Variants in CEP350 observed in about 807,000 individuals in gnomAD.
CEP350 encodes centrosome-associated protein 350.
CEP350 carries 126 observed loss-of-function variants against 331.8 expected under a neutral mutation model. That is an observed-to-expected ratio of 0.38 (90% CI 0.33 to 0.44). The LOEUF (loss-of-function observed/expected upper bound fraction) is 0.44. Among genes scored for constraint, CEP350 ranks in the 20% least tolerant of loss-of-function variants. The pLI is 1.00. For missense variants in CEP350, 3,406 were observed against 3,634.6 expected, an observed-to-expected ratio of 0.94 and a Z score of 1.62; for synonymous variants, 1,200 against 1,259.5, an observed-to-expected ratio of 0.95 and a Z score of 1.00.
chr1:180,065,292 A>G lies in CEP350; in HGVS notation c.5567+20A>G, dbSNP rs754193358. 1.3e-6 allele frequency: 2 copies of G among 1,595,148 alleles called. No individual in the cohort carries two copies. The highest frequency in any genetic ancestry group is 1.7e-6 in the Non-Finnish European group (2 of 1,172,992). On this transcript the variant is annotated intron_variant, in intron 27 of 37. Coordinates refer to ENST00000367607, the MANE Select transcript of CEP350 (RefSeq NM_014810.5). ...TGAAAAGTATTTGTTTTTTATAAAT[A>G]TCTCTTGTTTAGTTACATTGAAAGT... is the stretch of plus-strand genomic sequence containing the variant.
chr1:180,080,463 G>A, intron 29 of CEP350, 54 bp from the exon 30 acceptor site: 1 of 1,519,780 alleles, frequency 6.6e-7, no homozygotes. Context: ...ATTTTAAATA[G>A]AATTTTACAA....
intron 1 of CEP350, among the ~76,000 whole-genome samples, chr1:179,965,822 C>T (rs1009282650): frequency 5.9e-5 from 9 of 151,824 alleles, no homozygotes; most frequent in Non-Finnish European, 1.3e-4. Context: ...GACGGGGTTT[C>T]ACCATGTTGG....
At chr1:180,090,545 C>CAAAAAAAAAAAAAAAAA (rs36128628) in intron 32 of CEP350, among the ~76,000 whole-genome samples, 169 bp from the exon 33 acceptor site, 11 of 77,356 alleles carry the variant, frequency 1.4e-4, no homozygotes, top group Non-Finnish European at 2.3e-4. Flanking sequence ...GACTCCGTCT[C>CAAAAAAAAAAAAAAAAA]AAAAAAAAAA....
chr1:180,102,525 G>A (rs1660886537), intron 37 of CEP350, among the ~76,000 whole-genome samples: 1 of 152,088 alleles, frequency 6.6e-6, no homozygotes, highest in Non-Finnish European at 1.5e-5. Flanking sequence ...AGCTTATTTT[G>A]CTCTATGATT....
chr1:180,102,227 C>G (rs976131230), intron 37 of CEP350, among the ~76,000 whole-genome samples: 6 of 152,004 alleles, frequency 3.9e-5, no homozygotes, highest in African/African-American at 1.2e-4. Flanking sequence ...CCTCCGCCTC[C>G]CGGGTTCAAG....
intron 27 of CEP350, among the ~76,000 whole-genome samples, chr1:180,069,912 T>A (rs1658781678): frequency 6.6e-6 from 1 of 152,232 alleles, no homozygotes; most frequent in Admixed American, 6.5e-5. Context: ...AGTGTTTTAG[T>A]TTAGCTAGGT....
At chr1:180,024,668 G>T in intron 14 of CEP350, 86 bp downstream of exon 14, 3 of 1,375,918 alleles carry the variant, frequency 2.2e-6, no homozygotes, top group Non-Finnish European at 2.9e-6. Flanking sequence ...TGCATAAGAA[G>T]TTAGAAGAAT....
intron 18 of CEP350, 97 bp from the exon 19 acceptor site, chr1:180,041,565 T>G: frequency 8.2e-7 from 1 of 1,222,514 alleles, no homozygotes; most frequent in Non-Finnish European, 1.1e-6. Context: ...TGTTTTTTAC[T>G]ATGAATAAGA....
rs1007077780 is a variant in CEP350 at position 180,024,600 on chromosome 1, T to C, written c.3550+18T>C. ...GACAGAATGTAAGTGGAATTCCACA[T>C]GGTAACTTTTTCTCTTACCAATGAT... On this transcript the variant is annotated intron_variant, in intron 14 of 37. Coordinates refer to ENST00000367607, the MANE Select transcript of CEP350 (RefSeq NM_014810.5). The C allele has an allele frequency of 3.0e-5, 47 of 1,592,388 alleles. No individual in the cohort carries two copies. The highest frequency in any genetic ancestry group is 4.0e-5 in the Non-Finnish European group (47 of 1,170,130).
chr1:180,101,502 A>G (rs982752173), intron 37 of CEP350, among the ~76,000 whole-genome samples: 3 of 152,194 alleles, frequency 2.0e-5, no homozygotes, highest in Admixed American at 2.0e-4. Context: ...TCACATTACA[A>G]CAATCATCAC....
At chr1:180,049,846 T>TAC (rs1305902543) in intron 22 of CEP350, among the ~76,000 whole-genome samples, 2 of 152,048 alleles carry the variant, frequency 1.3e-5, no homozygotes, top group African/African-American at 4.8e-5. Flanking sequence ...CTGGCCTACT[T>TAC]ACCCTCTTAA....
intron 1 of CEP350, among the ~76,000 whole-genome samples, chr1:179,984,598 A>T (rs1652519634): frequency 6.6e-6 from 1 of 152,188 alleles, no homozygotes; most frequent in East Asian, 1.9e-4. Flanking sequence ...ACCACATGTG[A>T]TATTAGTTTA....
intron 1 of CEP350, among the ~76,000 whole-genome samples, chr1:179,976,633 G>A (rs1401270504): frequency 6.8e-5 from 10 of 147,730 alleles, no homozygotes; most frequent in Non-Finnish European, 1.3e-4. Context: ...CAGCCTGGGC[G>A]ACAGTGAGAC....
intron 1 of CEP350, among the ~76,000 whole-genome samples, chr1:179,960,545 A>G (rs1244400394): frequency 2.0e-5 from 3 of 152,164 alleles, no homozygotes; most frequent in Non-Finnish European, 4.4e-5. Context: ...ACACTACTCA[A>G]ACTACCAGTT....
intron 8 of CEP350, among the ~76,000 whole-genome samples, chr1:180,008,071 G>C (rs2148779040): frequency 6.6e-6 from 1 of 152,096 alleles, no homozygotes; most frequent in African/African-American, 2.4e-5. Flanking sequence ...TAATTTTTAT[G>C]TTGTGAACTT....
In CEP350 at chr1:180,014,131, G is replaced by A. The variant is rs1445775261; in HGVS notation, c.1678G>A (p.Val560Ile). 6.2e-6 allele frequency: 10 copies of A among 1,609,886 alleles called. No individual in the cohort carries two copies. Among genetic ancestry groups the A allele is most frequent in the Non-Finnish European group, 8.5e-6 (10 of 1,178,070 alleles). ...ELQNQKSSAP[V>I]HAPRSHSPVK... is the part of the protein sequence containing the mutation. ...ACAGAACCAGAAGTCATCAGCACCAGTACATGCTCCTAGGAGTCACAGCCC... is the reference window on the plus strand; with the variant it reads ...ACAGAACCAGAAGTCATCAGCACCAATACATGCTCCTAGGAGTCACAGCCC... The change falls in exon 10 of 38, where the codon GTA (valine) becomes ATA (isoleucine). Residue 560 changes from valine (V) to isoleucine (I), a missense_variant. By Grantham distance (29) the Val-to-Ile change is conservative. Coordinates refer to ENST00000367607, the MANE Select transcript of CEP350 (RefSeq NM_014810.5).
chr1:180,051,464 G>A (rs1303569284), intron 22 of CEP350, among the ~76,000 whole-genome samples: 1 of 152,184 alleles, frequency 6.6e-6, no homozygotes, highest in Non-Finnish European at 1.5e-5. Flanking sequence ...GTAGTTGACT[G>A]CAAAGAGGAT....
At chr1:180,006,884 T>A (rs1654297799) in intron 8 of CEP350, among the ~76,000 whole-genome samples, 1 of 152,204 alleles carries the variant, frequency 6.6e-6, no homozygotes. Flanking sequence ...TGTGTTAGTT[T>A]GCTGAGAGAA....
rs1158546433 is a variant in CEP350, at chr1:180,004,906, G to GCTTTCTTTCTTTCTTTCTTTCTTT, written c.1133-1522_1133-1499dup. Among the ~76,000 whole-genome samples the GCTTTCTTTCTTTCTTTCTTTCTTT allele has an allele frequency of 1.5e-3, 201 of 130,880 alleles. 3 individuals are homozygous for GCTTTCTTTCTTTCTTTCTTTCTTT. The highest frequency in any genetic ancestry group is 2.1e-3 in the Admixed American group (28 of 13,090). 85.9% of individuals were successfully genotyped at this position (130,880 alleles called of 152,430 possible). On this transcript the variant is annotated intron_variant, in intron 7 of 37. Coordinates refer to ENST00000367607, the MANE Select transcript of CEP350 (RefSeq NM_014810.5). ...TGCTTGCTTGCTTGCTTGCTTGCTT[G>GCTTTCTTTCTTTCTTTCTTTCTTT]CTTTCTTTCTTTCTTTCTTTCTTTC...
Sources: allele counts gnomAD v4.1 joint callset (sites outside exome capture counted in the v4.1 genomes callset), GRCh38; gene constraint gnomAD v4.1.1; transcripts MANE v1.5; gene names NCBI Gene and HGNC (gene_info 2026-07-23, HGNC 2026-07-21).